The following BRAF variants were observed in gnomAD, a reference collection of about 807,000 sequenced individuals.
BRAF encodes B-Raf proto-oncogene, serine/threonine kinase.
Under a neutral mutation model 104.6 loss-of-function variants are expected in BRAF, and 16 were observed. The ratio of observed to expected loss-of-function variants is 0.15; its 90% confidence interval spans 0.10 to 0.23. The LOEUF (loss-of-function observed/expected upper bound fraction) is 0.23. Among genes scored for constraint, BRAF ranks in the 10% least tolerant of loss-of-function variants. BRAF has a pLI of 1.00. For missense variants in BRAF, 541 were observed against 937.3 expected, an observed-to-expected ratio of 0.58 and a Z score of 5.52; for synonymous variants, 310 against 341.6, an observed-to-expected ratio of 0.91 and a Z score of 1.02.
intron 1 of BRAF, among the ~76,000 whole-genome samples, chr7:140,904,440 TG>T (rs113233245): frequency 6.6e-6 from 1 of 152,124 alleles, no homozygotes; most frequent in South Asian, 2.1e-4. Flanking sequence ...ATTTCTTTTT[TG>T]GGGGAGGCAG....
chr7:140,840,097 A>C (rs966076984), intron 2 of BRAF, among the ~76,000 whole-genome samples: 2 of 152,346 alleles, frequency 1.3e-5, no homozygotes, highest in Middle Eastern at 3.4e-3. Flanking sequence ...TAAGGCAGGA[A>C]GCCTGTACGT....
At chr7:140,846,815 T>C (rs1586385949) in intron 2 of BRAF, among the ~76,000 whole-genome samples, 1 of 152,156 alleles carries the variant, frequency 6.6e-6, no homozygotes. Flanking sequence ...AATATCAGTA[T>C]GTACAGGTCT....
intron 19 of BRAF, chr7:140,734,578 ACT>A (rs1296644431): frequency 6.2e-7 from 1 of 1,613,818 alleles, no homozygotes; most frequent in Non-Finnish European, 8.5e-7. Context: ...ACTCTCCTGA[ACT>A]CTCTCACTCA....
At chr7:140,849,483 T>C (rs1330780904) in intron 2 of BRAF, among the ~76,000 whole-genome samples, 1 of 151,748 alleles carries the variant, frequency 6.6e-6, no homozygotes, top group East Asian at 1.9e-4. Flanking sequence ...GTAACTGGTT[T>C]GCTGAGCTCC....
intron 7 of BRAF, among the ~76,000 whole-genome samples, chr7:140,794,933 T>C (rs1802354767): frequency 6.6e-6 from 1 of 152,232 alleles, no homozygotes; most frequent in African/African-American, 2.4e-5. Flanking sequence ...ACCTGAATGA[T>C]GTACTTGTTC....
At chr7:140,801,889 A>C (rs903219308) in intron 5 of BRAF, among the ~76,000 whole-genome samples, 3 of 152,198 alleles carry the variant, frequency 2.0e-5, no homozygotes, top group Admixed American at 2.0e-4. Flanking sequence ...GAAAGGAAGA[A>C]GCCTATACTT....
Position 140,758,603 on chromosome 7 carries a change from C to A in BRAF, c.1815-4370G>T, listed in dbSNP as rs545238346. Among the ~76,000 whole-genome samples, 3 of 151,986 alleles carry A rather than the reference C, an allele frequency of 2.0e-5. No homozygotes were observed. The South Asian group carries it at 6.2e-4, about 32-fold the overall frequency. ...TTGTGTAGCTGGGACTACAGGTGGG[C>A]GCCACCATGCCTGGATAATTAAAAA... On this transcript the variant is annotated intron_variant, in intron 14 of 19. Coordinates refer to ENST00000644969, the MANE Select transcript of BRAF (RefSeq NM_001374258.1).
Position 140,918,517 on chromosome 7 carries a change from C to T in BRAF, c.138+6049G>A, listed in dbSNP as rs758186151. Among the ~76,000 whole-genome samples the T allele has an allele frequency of 7.9e-5, 12 of 152,218 alleles. 1 individual carries two copies. Among genetic ancestry groups the T allele is most frequent in the Middle Eastern group, 3.4e-3 (1 of 294 alleles). On this transcript the variant is annotated intron_variant, in intron 1 of 19. Transcript: ENST00000644969. ...CGGACTGGTAGATACGAGGCTGTGG[C>T]CCAGGGGTTGGGGGCCCCTGGTATA...
At chr7:140,769,336 C>T (rs1049742215) in intron 14 of BRAF, among the ~76,000 whole-genome samples, 17 of 151,960 alleles carry the variant, frequency 1.1e-4, no homozygotes, top group Admixed American at 2.0e-4. Context: ...CCTTGGCCTT[C>T]CAAGGTGCTG....
At chr7:140,804,413 GGT>G (rs747090986) in intron 5 of BRAF, among the ~76,000 whole-genome samples, 2,436 of 150,612 alleles carry the variant, frequency 0.016, 23 homozygotes, top group Middle Eastern at 0.024. Context: ...TTTTGGGGGG[GGT>G]GGTTAATACT....
chr7:140,762,221 C>T (rs1798808907), intron 14 of BRAF, among the ~76,000 whole-genome samples: 1 of 152,184 alleles, frequency 6.6e-6, no homozygotes, highest in Non-Finnish European at 1.5e-5. Flanking sequence ...AACTAGAACT[C>T]AGGATTAAGA....
Position 140,722,486 on chromosome 7 carries a change from C to T in BRAF, c.*4008G>A. The T allele has an allele frequency of 3.8e-6, 4 of 1,056,100 alleles. No homozygotes were observed. Among genetic ancestry groups the T allele is most frequent in the Non-Finnish European group, 4.6e-6 (4 of 873,474 alleles). 65.4% of individuals were successfully genotyped at this position (1,056,100 alleles called of 1,614,324 possible). On this transcript the variant is annotated 3_prime_UTR_variant, in exon 20 of 20. Coordinates refer to ENST00000644969, the MANE Select transcript of BRAF (RefSeq NM_001374258.1). ...GTATTTTTCTAGAGCCTCACCTACA[C>T]CATTTCAACTCATGACCTGTAAGCT...
chr7:140,910,701 C>T (rs1465159748), intron 1 of BRAF, among the ~76,000 whole-genome samples: 1 of 152,048 alleles, frequency 6.6e-6, no homozygotes, highest in African/African-American at 2.4e-5. Context: ...GAGAGGGTGA[C>T]TCCTGCTCTG....
chr7:140,715,956 G>A (rs187643102), downstream of BRAF, among the ~76,000 whole-genome samples: 1 of 152,192 alleles, frequency 6.6e-6, no homozygotes, highest in African/African-American at 2.4e-5. Context: ...CTGCTGTCTT[G>A]TTCTAGGCGG....
intron 13 of BRAF, among the ~76,000 whole-genome samples, chr7:140,777,555 A>G (rs896491575): frequency 2.0e-5 from 3 of 152,060 alleles, no homozygotes; most frequent in Admixed American, 6.6e-5. Context: ...AAATATCCTC[A>G]GTTCTGTTGA....
chr7:140,749,699 G>A (rs1420363248), intron 16 of BRAF, among the ~76,000 whole-genome samples: 2 of 152,066 alleles, frequency 1.3e-5, no homozygotes, highest in Non-Finnish European at 2.9e-5. Context: ...TACCATCATT[G>A]CCAGATGAAT....
intron 1 of BRAF, among the ~76,000 whole-genome samples, chr7:140,887,678 TA>T (rs1813731557): frequency 6.6e-6 from 1 of 152,178 alleles, no homozygotes; most frequent in African/African-American, 2.4e-5. Flanking sequence ...ATTATTTAGT[TA>T]ATGTGTTCAT....
chr7:140,735,540 T>A (rs1431157751), intron 18 of BRAF, among the ~76,000 whole-genome samples: 1 of 152,212 alleles, frequency 6.6e-6, no homozygotes, highest in African/African-American at 2.4e-5. Context: ...TTACTTTTGT[T>A]ATTGTCCTGA....
At chr7:140,748,414 T>C (rs765178479) in intron 17 of BRAF, among the ~76,000 whole-genome samples, 5 of 152,172 alleles carry the variant, frequency 3.3e-5, no homozygotes, top group Non-Finnish European at 5.9e-5. Flanking sequence ...ATGCAGGTGA[T>C]TGGACCCTCC....
Sources: gnomAD v4.1 joint callset for allele counts (sites outside exome capture counted in the v4.1 genomes callset) on GRCh38, gnomAD v4.1.1 for gene constraint, MANE v1.5 for transcripts, NCBI Gene and HGNC (gene_info 2026-07-23, HGNC 2026-07-21) for gene names.